METTL9: variants seen among roughly 807,000 people sequenced by gnomAD.
METTL9 encodes the protein methyltransferase 9, His-X-His N1(pi)-histidine, also known as protein-L-histidine N-pros-methyltransferase.
A neutral mutation model predicts 36.0 loss-of-function variants in METTL9; 10 were observed. That is an observed-to-expected ratio of 0.28 (90% CI 0.17 to 0.47). The LOEUF (loss-of-function observed/expected upper bound fraction) is 0.47. METTL9 is among the 20% of genes least tolerant of loss of function. The pLI is 0.99. For missense variants in METTL9, 246 were observed against 383.5 expected, an observed-to-expected ratio of 0.64 and a Z score of 3.00; for synonymous variants, 175 against 149.7, an observed-to-expected ratio of 1.17 and a Z score of -1.23.
intron 4 of METTL9, among the ~76,000 whole-genome samples, chr16:21,633,559 A>G (rs1966015685): frequency 6.6e-6 from 1 of 152,136 alleles, no homozygotes. Context: ...AATACAGAAG[A>G]AGGCATCCTT....
At chr16:21,642,667 A>G (rs1438710862) in intron 4 of METTL9, among the ~76,000 whole-genome samples, 2 of 152,108 alleles carry the variant, frequency 1.3e-5, no homozygotes, top group Non-Finnish European at 2.9e-5. Flanking sequence ...ATGTGAATTT[A>G]TTTTTGCCTT....
upstream of METTL9, among the ~76,000 whole-genome samples, chr16:21,599,100 A>T (rs542252190): frequency 7.2e-4 from 109 of 152,292 alleles, 1 homozygote; most frequent in Non-Finnish European, 1.2e-3. The surrounding 1 kb of genome is among the most constrained non-coding windows in gnomAD (Gnocchi z 4.4). Flanking sequence ...TGTGTGTGTC[A>T]GGATGCACGA....
chr16:21,655,095 C>CAA, intron 4 of METTL9, 132 bp from the exon 5 acceptor site: 1 of 738,562 alleles, frequency 1.4e-6, no homozygotes, highest in Non-Finnish European at 2.2e-6. Flanking sequence ...CTGGGAAGTA[C>CAA]AAAAGAGGTA....
At position 21,611,952 on chromosome 16, in the gene METTL9, TA is replaced by T. The variant is rs1965435488; in HGVS notation, c.166-692del. 2.6e-5 allele frequency: 4 copies of T among 152,342 alleles called. No homozygotes were observed. In the South Asian group the frequency reaches 8.3e-4, roughly 32 times the overall value. The allele number at this position is 152,342 out of a possible 1,614,324, so 9.4% of individuals were successfully genotyped here. On this transcript the variant is annotated intron_variant, in intron 1 of 4. Coordinates refer to ENST00000358154, the MANE Select transcript of METTL9 (RefSeq NM_016025.5). The stretch of plus-strand genomic sequence containing the variant: ...GGAAATCTGGTTCTTAGCATGTTAC[TA>T]TTTGGTCTTCTCGTTGATTGCAGTA...
intron 4 of METTL9, chr16:21,644,192 C>T: frequency 1.2e-6 from 1 of 839,114 alleles, no homozygotes; most frequent in Non-Finnish European, 2.0e-6. Flanking sequence ...TTAGGGAGCT[C>T]TTGCTGAGGC....
Position 21,625,060 on chromosome 16 carries a change from T to C in METTL9, c.696T>C (p.Thr232=), listed in dbSNP as rs992014024. ...ATATCAGAAGTGTCTTGGAGCCAAC[T>C]AGAGGCAGGGTCATCCTTGCCCTTG... ...LKDIRSVLEP[T]RGRVILALVL... The change falls in exon 4 of 5, where the codon ACT becomes ACC. Residue 232 remains threonine, a synonymous_variant. Coordinates refer to ENST00000358154, the MANE Select transcript of METTL9 (RefSeq NM_016025.5). The C allele has an allele frequency of 3.1e-6, 5 of 1,614,224 alleles. No homozygotes were observed. The highest frequency in any genetic ancestry group is 1.7e-4 in the Middle Eastern group (1 of 6,056).
chr16:21,621,187 G>A (rs1965684993), intron 3 of METTL9, among the ~76,000 whole-genome samples: 1 of 151,766 alleles, frequency 6.6e-6, no homozygotes, highest in African/African-American at 2.4e-5. Context: ...TTTGTGTGTT[G>A]TGTGTGTAGA....
At chr16:21,644,986 G>A (rs966114520) in intron 4 of METTL9, among the ~76,000 whole-genome samples, 2 of 152,314 alleles carry the variant, frequency 1.3e-5, no homozygotes, top group African/African-American at 2.4e-5. Context: ...TGGAAATAGA[G>A]TTATTGAATC....
rs924743682 is a variant in METTL9, at chr16:21,648,690, C to T, written c.752-6537C>T. 1.2e-4 allele frequency among the ~76,000 whole-genome samples: 18 copies of T among 152,316 alleles called. 2 individuals are homozygous for T. The highest frequency in any genetic ancestry group is 5.2e-4 in the Admixed American group (8 of 15,296). Reference sequence around the variant, plus strand: ...AGACCCGCCCTAAACCCTTCTTTTGCGGCAGGGGAGGCCATAGGTAAAATA... The same window carrying T: ...AGACCCGCCCTAAACCCTTCTTTTGTGGCAGGGGAGGCCATAGGTAAAATA... On this transcript the variant is annotated intron_variant, in intron 4 of 4. Coordinates refer to ENST00000358154, the MANE Select transcript of METTL9 (RefSeq NM_016025.5).
rs138907452 is a variant in METTL9 at position 21,644,313 on chromosome 16, C to T, written c.752-10914C>T. ...ACTTTGGAGAGGAGTATGAAGGCCA[C>T]GCACACACCGGTCACATAGACAGAG... is the stretch of plus-strand genomic sequence containing the variant. On this transcript the variant is annotated intron_variant, in intron 4 of 4. Coordinates refer to ENST00000358154, the MANE Select transcript of METTL9 (RefSeq NM_016025.5). 307 of 1,613,004 alleles carry T rather than the reference C, an allele frequency of 1.9e-4. No individual in the cohort carries two copies. Among genetic ancestry groups the T allele is most frequent in the Non-Finnish European group, 2.5e-4 (298 of 1,179,136 alleles).
intron 1 of METTL9, among the ~76,000 whole-genome samples, chr16:21,605,508 G>A (rs1291582555): frequency 2.0e-5 from 3 of 151,674 alleles, no homozygotes; most frequent in African/African-American, 7.3e-5. Flanking sequence ...GTCTCCCAAA[G>A]TGCTGGGATT....
chr16:21,655,055 C>T (rs1291577459), intron 4 of METTL9, 172 bp from the exon 5 acceptor site: 1 of 626,780 alleles, frequency 1.6e-6, no homozygotes, highest in South Asian at 2.0e-5. Flanking sequence ...TGAGTCTGTT[C>T]TTTATCTGCC....
intron 4 of METTL9, chr16:21,641,208 G>C (rs1966257010): frequency 5.4e-6 from 1 of 186,086 alleles, no homozygotes; most frequent in Admixed American, 6.2e-5. Flanking sequence ...TCAAGACTGA[G>C]GCACATGGTT....
chr16:21,629,068 A>G (rs1043178122), intron 4 of METTL9, among the ~76,000 whole-genome samples: 1 of 151,404 alleles, frequency 6.6e-6, no homozygotes, highest in African/African-American at 2.4e-5. Context: ...TCATTTTTGT[A>G]TTTTTAGTAG....
intron 4 of METTL9, among the ~76,000 whole-genome samples, chr16:21,632,810 A>G (rs372905091): frequency 8.6e-4 from 131 of 152,182 alleles, no homozygotes; most frequent in African/African-American, 2.6e-3. Flanking sequence ...TACTACATCA[A>G]TTTCCTTACT....
At chr16:21,642,371 A>G (rs1251459203) in intron 4 of METTL9, 1 of 152,234 alleles carries the variant, frequency 6.6e-6, no homozygotes, top group East Asian at 1.9e-4. Context: ...CAAAGATGAC[A>G]TGCAAATTTG....
rs927983867 is a variant in METTL9 at position 21,599,630 on chromosome 16, G to A, written c.-104G>A. 1 of 1,335,226 alleles carries A rather than the reference G, an allele frequency of 7.5e-7. No individual in the cohort carries two copies. Among genetic ancestry groups the A allele is most frequent in the African/African-American group, 1.6e-5 (1 of 64,400 alleles). The allele number at this position is 1,335,226 out of a possible 1,614,324, so 82.7% of individuals were successfully genotyped here. On this transcript the variant is annotated 5_prime_UTR_variant, in exon 1 of 5. Coordinates refer to ENST00000358154, the MANE Select transcript of METTL9 (RefSeq NM_016025.5). The surrounding 1 kb of genome is among the most constrained non-coding windows in gnomAD (Gnocchi z 4.4). ...GGGGCTGGATGGGCAAGGCGGCCGC[G>A]ATGGCTCGAGCTCGGGCGGTGGCGG...
chr16:21,643,454 C>T, intron 4 of METTL9: 1 of 802,844 alleles, frequency 1.2e-6, no homozygotes, highest in Non-Finnish European at 2.0e-6. Context: ...TTAAACTTAA[C>T]ATTTAAATAT....
chr16:21,636,281 A>C (rs946684930), intron 4 of METTL9, among the ~76,000 whole-genome samples: 2 of 152,154 alleles, frequency 1.3e-5, no homozygotes, highest in African/African-American at 4.8e-5. Context: ...AGGGATCCTA[A>C]AATTCCAGAG....
Sources: allele counts gnomAD v4.1 joint callset (sites outside exome capture counted in the v4.1 genomes callset), GRCh38; gene constraint gnomAD v4.1.1; non-coding constraint Gnocchi (gnomAD v3.1); transcripts MANE v1.5; gene names NCBI Gene and HGNC (gene_info 2026-07-23, HGNC 2026-07-21).